SLC35F3: variants seen among roughly 807,000 people sequenced by gnomAD.
The protein encoded by SLC35F3 is putative thiamine transporter SLC35F3.
SLC35F3 carries 25 observed loss-of-function variants against 49.9 expected under a neutral mutation model. The ratio of observed to expected loss-of-function variants is 0.50; its 90% CI spans 0.37 to 0.70. The LOEUF (loss-of-function observed/expected upper bound fraction) is 0.70, where lower values mean the gene tolerates loss of function less well. Among genes scored for constraint, SLC35F3 ranks in the 30% least tolerant of loss-of-function variants. The pLI, the probability that SLC35F3 is intolerant of heterozygous loss-of-function variation, is 0.00. For missense variants in SLC35F3, 525 were observed against 639.8 expected (o/e 0.82, Z 1.94); for synonymous variants, 275 against 265.4 (o/e 1.04, Z -0.35).
intron 2 of SLC35F3, among the ~76,000 whole-genome samples, chr1:233,918,222 C>T (rs1462352438): frequency 3.3e-5 from 5 of 152,154 alleles, no homozygotes; most frequent in Non-Finnish European, 5.9e-5. Flanking sequence ...AGGGCCATGC[C>T]CTGGATTTCT....
chr1:234,161,519 G>C (rs939724363), intron 2 of SLC35F3, among the ~76,000 whole-genome samples: 3 of 152,110 alleles, frequency 2.0e-5, no homozygotes, highest in Non-Finnish European at 4.4e-5. Context: ...CCAGCTCTTT[G>C]TGAGGCCAAG....
intron 2 of SLC35F3, among the ~76,000 whole-genome samples, chr1:234,227,058 T>C (rs1441071387): frequency 1.3e-5 from 2 of 151,948 alleles, no homozygotes; most frequent in Admixed American, 1.3e-4. Flanking sequence ...TATGGATGAA[T>C]TAAGTAGCAT....
intron 2 of SLC35F3, among the ~76,000 whole-genome samples, chr1:233,999,004 C>T (rs1558201117): frequency 6.6e-6 from 1 of 152,158 alleles, no homozygotes; most frequent in Non-Finnish European, 1.5e-5. Context: ...TTATGCAAAG[C>T]CCTTGAGCCT....
chr1:234,233,568 G>T (rs1667417559), intron 3 of SLC35F3, among the ~76,000 whole-genome samples: 1 of 152,224 alleles, frequency 6.6e-6, no homozygotes, highest in African/African-American at 2.4e-5. Flanking sequence ...CGCACAGATG[G>T]AATCAAGATC....
At chr1:233,918,056 G>T (rs1357626283) in intron 2 of SLC35F3, among the ~76,000 whole-genome samples, 2 of 152,290 alleles carry the variant, frequency 1.3e-5, no homozygotes, top group Middle Eastern at 3.4e-3. Flanking sequence ...TATCCTTCCT[G>T]CTCCTCTCTT....
At chr1:234,135,011 C>T (rs565485789) in intron 2 of SLC35F3, among the ~76,000 whole-genome samples, 3 of 152,188 alleles carry the variant, frequency 2.0e-5, no homozygotes, top group African/African-American at 4.8e-5. Context: ...TGAGCCACCA[C>T]GCCCAGCCAG....
chr1:234,201,184 C>T (rs180795353), intron 2 of SLC35F3, among the ~76,000 whole-genome samples: 2 of 152,302 alleles, frequency 1.3e-5, no homozygotes, highest in Non-Finnish European at 2.9e-5. Context: ...GATTTGATCA[C>T]TACTATTTAA....
chr1:234,244,003 G>A (rs926559804), intron 3 of SLC35F3, among the ~76,000 whole-genome samples: 6 of 152,318 alleles, frequency 3.9e-5, no homozygotes, highest in African/African-American at 1.4e-4. Flanking sequence ...TCACCAACGG[G>A]TGAAATGACA....
chr1:234,149,543 A>G (rs1666041832), intron 2 of SLC35F3, among the ~76,000 whole-genome samples: 1 of 152,002 alleles, frequency 6.6e-6, no homozygotes, highest in African/African-American at 2.4e-5. Flanking sequence ...TAACAGCTGT[A>G]CTCCTATCCA....
rs924572291 is a variant in SLC35F3 at position 233,957,191 on chromosome 1, C to G, written c.283+51433C>G. Among the ~76,000 whole-genome samples the G allele has an allele frequency of 3.9e-5, 6 of 152,118 alleles. No individual in the cohort carries two copies. The highest frequency in any genetic ancestry group is 1.4e-4 in the African/African-American group (6 of 41,434). ...CAAGACCTGGATCACAGTCTAGTTT[C>G]CAGAGTGGGAGGAGATTGTTTTATG... On this transcript the variant is annotated intron_variant, in intron 2 of 7. Coordinates refer to ENST00000366618, the MANE Select transcript of SLC35F3 (RefSeq NM_173508.4). The surrounding 1 kb of genome is among the most constrained non-coding windows in gnomAD (Gnocchi z 4.0).
chr1:234,249,164 C>T (rs1667697025), intron 3 of SLC35F3, among the ~76,000 whole-genome samples: 1 of 152,150 alleles, frequency 6.6e-6, no homozygotes, highest in African/African-American at 2.4e-5. Context: ...AGGAGTGAGG[C>T]AATTGTATCC....
chr1:234,034,259 A>C (rs1048565535), intron 2 of SLC35F3, among the ~76,000 whole-genome samples: 1 of 152,136 alleles, frequency 6.6e-6, no homozygotes, highest in African/African-American at 2.4e-5. Context: ...TTTTTGGATG[A>C]GTCTTTAGGG....
chr1:234,221,322 G>T (rs1667201187), intron 2 of SLC35F3, among the ~76,000 whole-genome samples: 1 of 152,172 alleles, frequency 6.6e-6, no homozygotes, highest in Non-Finnish European at 1.5e-5. Flanking sequence ...GGGCAGGTCT[G>T]AGGTTGCCCC....
chr1:234,290,707 C>T (rs930993967), intron 3 of SLC35F3, among the ~76,000 whole-genome samples: 3 of 152,180 alleles, frequency 2.0e-5, no homozygotes, highest in African/African-American at 7.2e-5. Context: ...ATCAAACCAG[C>T]TCAAACTAGC....
chr1:234,318,540 GT>G (rs955240953), intron 5 of SLC35F3, among the ~76,000 whole-genome samples: 2 of 152,192 alleles, frequency 1.3e-5, no homozygotes, highest in African/African-American at 4.8e-5. Context: ...GAAGCTTTCT[GT>G]ATAGCTAAAG....
intron 2 of SLC35F3, among the ~76,000 whole-genome samples, chr1:234,161,176 G>C (rs1666221855): frequency 6.6e-6 from 1 of 152,192 alleles, no homozygotes; most frequent in South Asian, 2.1e-4. Flanking sequence ...GATTTACTCT[G>C]TGCCAGCCAC....
chr1:233,947,154 T>G (rs1176704210), intron 2 of SLC35F3, among the ~76,000 whole-genome samples: 1 of 152,188 alleles, frequency 6.6e-6, no homozygotes, highest in Non-Finnish European at 1.5e-5. Context: ...TGCAACTAAT[T>G]CAAGTTTTTA....
At chr1:234,089,461 T>C (rs940346399) in intron 2 of SLC35F3, among the ~76,000 whole-genome samples, 1 of 152,140 alleles carries the variant, frequency 6.6e-6, no homozygotes. Context: ...ATGGTGGGTG[T>C]TGAGTGCAGC....
intron 2 of SLC35F3, among the ~76,000 whole-genome samples, chr1:234,186,623 C>T (rs1347665516): frequency 6.6e-6 from 1 of 152,182 alleles, no homozygotes; most frequent in Non-Finnish European, 1.5e-5. Context: ...CACATGCCAT[C>T]AGGATCTCAG....
Sources: allele counts gnomAD v4.1 joint callset (sites outside exome capture counted in the v4.1 genomes callset), GRCh38; gene constraint gnomAD v4.1.1; non-coding constraint Gnocchi (gnomAD v3.1); transcripts MANE v1.5; gene names NCBI Gene and HGNC (gene_info 2026-07-23, HGNC 2026-07-21).